The following SUPT3H variants were observed in gnomAD, a reference collection of about 807,000 sequenced individuals.
The protein encoded by SUPT3H is transcription initiation protein SPT3 homolog.
A neutral mutation model predicts 44.3 loss-of-function variants in SUPT3H; 44 were observed. That is an observed-to-expected ratio of 0.99 (90% confidence interval 0.78 to 1.28). SUPT3H has a LOEUF of 1.28. Among genes scored for constraint, SUPT3H ranks in the 50% most tolerant of loss-of-function variants. The pLI, the probability that SUPT3H is intolerant of heterozygous loss-of-function variation, is 0.00. For missense variants in SUPT3H, 380 were observed against 387.1 expected (o/e 0.98, Z 0.15); for synonymous variants, 124 against 125.6 (o/e 0.99, Z 0.09).
At chr6:44,843,922 C>T (rs959799190) in intron 10 of SUPT3H, among the ~76,000 whole-genome samples, 4 of 33,340 alleles carry the variant, frequency 1.2e-4, no homozygotes, top group Non-Finnish European at 2.5e-4. Context: ...CACACACACA[C>T]ACACGCACAC....
rs1458682943 is a variant in SUPT3H at position 44,961,737 on chromosome 6, TTAAA to T, written c.580+12_580+15del. On this transcript the variant is annotated intron_variant, in intron 7 of 10. Transcript: ENST00000371459. ...CTCTTATGCATATAATTAAGCAAAGTTAAATAGTTACTTACAGAAACTTAATTGT... is the reference window on the plus strand; with the variant it reads ...CTCTTATGCATATAATTAAGCAAAGTTAGTTACTTACAGAAACTTAATTGT... 4.4e-6 allele frequency: 7 copies of T among 1,590,024 alleles called. No individual in the cohort carries two copies. Among genetic ancestry groups the T allele is most frequent in the Admixed American group, 1.8e-5 (1 of 56,794 alleles).
rs960608702 is a variant in SUPT3H at position 45,301,799 on chromosome 6, T to C, written c.101+63402A>G. Among the ~76,000 whole-genome samples, 14 of 152,216 alleles carry C rather than the reference T, an allele frequency of 9.2e-5. No homozygotes were observed. The East Asian group carries it at 2.5e-3, about 27-fold the overall frequency. The stretch of plus-strand genomic sequence containing the variant: ...TGTTGAATTAAGCTGTACTTTGTTT[T>C]AATATAACTAGAAAAGAGCCAAAGG... On this transcript the variant is annotated intron_variant, in intron 2 of 10. Transcript: ENST00000371459.
intron 11 of SUPT3H, among the ~76,000 whole-genome samples, chr6:44,816,137 A>G (rs1285012558): frequency 6.6e-6 from 1 of 152,208 alleles, no homozygotes; most frequent in East Asian, 1.9e-4. Context: ...AGTCAAAGAG[A>G]AAATCAGAAA....
At chr6:44,953,483 A>T in intron 8 of SUPT3H, 66 bp from the exon 9 acceptor site, 6 of 1,257,482 alleles carry the variant, frequency 4.8e-6, no homozygotes, top group Non-Finnish European at 7.0e-6. Context: ...GAAGTGGCAA[A>T]CCTAAAAGCA....
chr6:45,204,294 T>A (rs542740398), intron 2 of SUPT3H, among the ~76,000 whole-genome samples: 7 of 72,466 alleles, frequency 9.7e-5, no homozygotes, highest in African/African-American at 3.1e-4. Flanking sequence ...CACCTGTATC[T>A]CTTTTGTATT....
At chr6:45,353,140 A>C (rs1051424933) in intron 2 of SUPT3H, among the ~76,000 whole-genome samples, 5 of 152,148 alleles carry the variant, frequency 3.3e-5, no homozygotes, top group African/African-American at 1.2e-4. Context: ...TTCTAAATGT[A>C]AAATGATTTC....
rs183266758 is a variant in SUPT3H at position 45,106,177 on chromosome 6, A to T, written c.102-171T>A. On this transcript the variant is annotated intron_variant, in intron 2 of 10. Coordinates refer to ENST00000371459, the MANE Select transcript of SUPT3H (RefSeq NM_003599.4). ...CCAGGTGTGGTGGCTCACGCCTTTA[A>T]TCTCAGCACTTTGGGAGGCCGGAGC... is the stretch of plus-strand genomic sequence containing the variant. Among the ~76,000 whole-genome samples, 23 of 152,326 alleles carry T rather than the reference A, an allele frequency of 1.5e-4. No individual in the cohort carries two copies. The East Asian group carries it at 4.2e-3, about 28-fold the overall frequency.
chr6:44,880,908 A>G (rs770216047), intron 10 of SUPT3H, among the ~76,000 whole-genome samples: 2 of 152,234 alleles, frequency 1.3e-5, no homozygotes, highest in Non-Finnish European at 2.9e-5. Flanking sequence ...CTACGTTACA[A>G]GAGCTCCTGA....
chr6:45,141,654 C>CAAAGACA (rs1554261867), intron 2 of SUPT3H, among the ~76,000 whole-genome samples: 1 of 151,568 alleles, frequency 6.6e-6, no homozygotes, highest in Non-Finnish European at 1.5e-5. Context: ...AAGACAAAGA[C>CAAAGACA]AAAAAAAATT....
chr6:44,898,246 T>C (rs1241389741), intron 10 of SUPT3H, among the ~76,000 whole-genome samples: 1 of 152,176 alleles, frequency 6.6e-6, no homozygotes, highest in African/African-American at 2.4e-5. Flanking sequence ...TTCATGCCCT[T>C]ATGTATAGTT....
chr6:44,958,870 T>C lies in SUPT3H; in HGVS notation c.580+2883A>G, dbSNP rs572682890. 1.7e-4 allele frequency among the ~76,000 whole-genome samples: 18 copies of C among 108,192 alleles called. No homozygotes were observed. In the South Asian group the frequency reaches 5.3e-3, roughly 32 times the overall value. 71.0% of individuals were successfully genotyped at this position (108,192 alleles called of 152,430 possible). On this transcript the variant is annotated intron_variant, in intron 7 of 10. Transcript: ENST00000371459. ...GAAGGAAAGTTTAAGTACTTATCAA[T>C]GGTTTTTTTTTTTTTTTTTTTTTGA...
At chr6:45,343,318 T>C (rs896438078) in intron 2 of SUPT3H, among the ~76,000 whole-genome samples, 2 of 152,118 alleles carry the variant, frequency 1.3e-5, no homozygotes, top group African/African-American at 4.8e-5. Context: ...CTGGCCAACA[T>C]GGTGAAACCC....
intron 2 of SUPT3H, among the ~76,000 whole-genome samples, chr6:45,214,014 G>GTA (rs1347931829): frequency 1.2e-4 from 1 of 8,008 alleles, no homozygotes; most frequent in African/African-American, 4.7e-4. Context: ...ATTTTGAAAT[G>GTA]CAAAAAAAAA....
intron 2 of SUPT3H, among the ~76,000 whole-genome samples, chr6:45,325,894 T>C (rs1786267719): frequency 1.3e-5 from 2 of 151,984 alleles, no homozygotes; most frequent in African/African-American, 4.8e-5. Context: ...TATTTTCGTT[T>C]TAGGAAAAAA....
At chr6:45,280,399 G>A (rs993206686) in intron 2 of SUPT3H, among the ~76,000 whole-genome samples, 13 of 151,918 alleles carry the variant, frequency 8.6e-5, no homozygotes, top group African/African-American at 3.1e-4. Flanking sequence ...CCAGCTACTC[G>A]GGGGGCTGAC....
intron 2 of SUPT3H, among the ~76,000 whole-genome samples, chr6:45,177,345 G>T (rs995559343): frequency 1.3e-5 from 2 of 152,162 alleles, no homozygotes; most frequent in Non-Finnish European, 2.9e-5. Context: ...TGAATGAAAT[G>T]AAGTGAGAAG....
chr6:45,357,337 A>AT (rs1344616721), intron 2 of SUPT3H, among the ~76,000 whole-genome samples: 1 of 149,380 alleles, frequency 6.7e-6, no homozygotes, highest in Non-Finnish European at 1.5e-5. Flanking sequence ...TACCTTTTTT[A>AT]TTTTTTATTT....
At chr6:44,950,738 A>G (rs1028895092) in intron 9 of SUPT3H, among the ~76,000 whole-genome samples, 3 of 151,472 alleles carry the variant, frequency 2.0e-5, no homozygotes, top group African/African-American at 4.8e-5. Flanking sequence ...TGCACTGTGT[A>G]TTAACCCACA....
intron 2 of SUPT3H, among the ~76,000 whole-genome samples, chr6:45,239,878 A>T (rs1199741210): frequency 6.6e-6 from 1 of 152,230 alleles, no homozygotes; most frequent in Admixed American, 6.5e-5. Context: ...GGAAACAGGG[A>T]CTATGGAACA....
Sources: gnomAD v4.1 joint callset for allele counts (sites outside exome capture counted in the v4.1 genomes callset) on GRCh38, gnomAD v4.1.1 for gene constraint, MANE v1.5 for transcripts, NCBI Gene and HGNC (gene_info 2026-07-23, HGNC 2026-07-21) for gene names.